VPS13B: variants seen among roughly 807,000 people sequenced by gnomAD.
VPS13B encodes intermembrane lipid transfer protein VPS13B.
VPS13B carries 285 observed loss-of-function variants against 426.4 expected under a neutral mutation model. The ratio of observed to expected loss-of-function variants is 0.67; its 90% CI spans 0.61 to 0.74. The LOEUF (loss-of-function observed/expected upper bound fraction) is 0.74, where lower values mean the gene tolerates loss of function less well. VPS13B is among the 30% of genes least tolerant of loss of function. VPS13B has a pLI of 0.00. For synonymous variants in VPS13B, 1,676 were observed against 1,676.4 expected (o/e 1.00, Z 0.01); for missense variants, 4,537 against 4,782.6 (o/e 0.95, Z 1.51).
chr8:99,637,697 GT>G (rs1248429113), intron 33 of VPS13B, among the ~76,000 whole-genome samples: 3 of 152,096 alleles, frequency 2.0e-5, no homozygotes, highest in Non-Finnish European at 4.4e-5. Flanking sequence ...TCTACAGGTG[GT>G]TTGTTGTTTT....
intron 19 of VPS13B, among the ~76,000 whole-genome samples, chr8:99,379,759 G>A (rs933225532): frequency 2.6e-5 from 4 of 151,944 alleles, no homozygotes; most frequent in Non-Finnish European, 5.9e-5. Context: ...TTTTCTTTTA[G>A]TGAATGCTTT....
chr8:99,148,678 G>C (rs1478638200), intron 14 of VPS13B, among the ~76,000 whole-genome samples: 1 of 152,064 alleles, frequency 6.6e-6, no homozygotes, highest in Middle Eastern at 3.2e-3. Context: ...GTTTTAGCCA[G>C]TAAAACTGTC....
chr8:99,219,314 A>G (rs903025883), intron 17 of VPS13B, among the ~76,000 whole-genome samples: 2 of 152,202 alleles, frequency 1.3e-5, no homozygotes, highest in African/African-American at 4.8e-5. Flanking sequence ...CACGATGTAT[A>G]CCATTGGGTT....
At chr8:99,271,841 C>T (rs1000226751) in intron 17 of VPS13B, among the ~76,000 whole-genome samples, 3 of 152,164 alleles carry the variant, frequency 2.0e-5, no homozygotes, top group Non-Finnish European at 4.4e-5. Context: ...TCCCATAATC[C>T]AGTTACTTCC....
At chr8:99,102,030 T>G (rs1846781048) in intron 4 of VPS13B, among the ~76,000 whole-genome samples, 1 of 152,194 alleles carries the variant, frequency 6.6e-6, no homozygotes, top group African/African-American at 2.4e-5. Context: ...AAAGTGTTAT[T>G]TATATTTTTA....
intron 30 of VPS13B, chr8:99,536,931 T>A: frequency 4.7e-6 from 2 of 422,762 alleles, no homozygotes; most frequent in Admixed American, 6.1e-5. Flanking sequence ...GCAGTGTTAT[T>A]GTTCAGTTCG....
Position 99,795,345 on chromosome 8 carries a change from C to T in VPS13B, c.7941+10869C>T, listed in dbSNP as rs549316091. Among the ~76,000 whole-genome samples, 4 of 152,316 alleles carry T rather than the reference C, an allele frequency of 2.6e-5. No homozygotes were observed. In the South Asian group the frequency reaches 8.3e-4, roughly 32 times the overall value. ...TTTTTCGCACTCTGTAGCTGGCAGT[C>T]TCCTGTAGGGCCATCACGTTTCTAT... On this transcript the variant is annotated intron_variant, in intron 43 of 61. Transcript: ENST00000357162.
Position 99,697,928 on chromosome 8 carries a change from A to G in VPS13B, c.6047-1597A>G, listed in dbSNP as rs531919738. On this transcript the variant is annotated intron_variant, in intron 35 of 61. Transcript: ENST00000357162. ...GGACAAAGATGTTCATGCCTCCACC[A>G]GCCAGGTGGCCAAGATTGTAGCGAC... 2.2e-4 allele frequency: 98 copies of G among 437,380 alleles called. 3 individuals are homozygous for G. The highest frequency in any genetic ancestry group is 5.8e-5 in the South Asian group (3 of 51,600). The allele number at this position is 437,380 out of a possible 1,614,324, so 27.1% of individuals were successfully genotyped here.
chr8:99,871,978 A>T (rs529431260), intron 61 of VPS13B, among the ~76,000 whole-genome samples: 4 of 152,228 alleles, frequency 2.6e-5, no homozygotes, highest in Non-Finnish European at 4.4e-5. Context: ...AGCCAATTGA[A>T]CAAGGCTGAT....
intron 35 of VPS13B, chr8:99,697,720 G>C (rs1832091903): frequency 3.2e-6 from 2 of 629,164 alleles, no homozygotes; most frequent in Admixed American, 4.3e-5. Context: ...GGGCCTGCAA[G>C]CTGGGCCTGG....
intron 17 of VPS13B, among the ~76,000 whole-genome samples, chr8:99,262,316 T>C (rs1381453433): frequency 2.0e-5 from 3 of 152,184 alleles, no homozygotes; most frequent in Non-Finnish European, 4.4e-5. Context: ...TACATCTGTT[T>C]TTTGCTGTTA....
At chr8:99,412,994 C>A (rs1319750971) in intron 21 of VPS13B, among the ~76,000 whole-genome samples, 1 of 152,178 alleles carries the variant, frequency 6.6e-6, no homozygotes, top group Non-Finnish European at 1.5e-5. Context: ...CATTGATGTT[C>A]ATCAGGGATA....
At chr8:99,044,342 G>T (rs550200612) in intron 3 of VPS13B, among the ~76,000 whole-genome samples, 8 of 151,456 alleles carry the variant, frequency 5.3e-5, no homozygotes. Context: ...CTCAGCCTCC[G>T]AAAGTGCTGA....
rs148889085 is a variant in VPS13B, at chr8:99,192,378, T to G, written c.2334-498T>G. Among the ~76,000 whole-genome samples, 1,507 of 152,248 alleles carry G rather than the reference T, an allele frequency of 9.9e-3. 28 individuals carry two copies. The highest frequency in any genetic ancestry group is 0.034 in the African/African-American group (1,425 of 41,542). On this transcript the variant is annotated intron_variant, in intron 16 of 61. Transcript: ENST00000357162. ...AGGTTGCCTGGATTTAAATTCTAAT[T>G]TTTCCTCTTTTTAGTAGTATGACAT...
At chr8:99,026,672 A>G (rs1451186635) in intron 2 of VPS13B, among the ~76,000 whole-genome samples, 2 of 152,096 alleles carry the variant, frequency 1.3e-5, no homozygotes, top group African/African-American at 2.4e-5. Flanking sequence ...TGCTTGCCAA[A>G]TTGACTTCAT....
chr8:99,612,143 G>C (rs1340188036), intron 33 of VPS13B, among the ~76,000 whole-genome samples: 1 of 152,046 alleles, frequency 6.6e-6, no homozygotes, highest in Non-Finnish European at 1.5e-5. Context: ...CTGTGTTTCT[G>C]CCATTAGACT....
chr8:99,546,609 C>T (rs1460519997), intron 30 of VPS13B, among the ~76,000 whole-genome samples: 2 of 151,964 alleles, frequency 1.3e-5, no homozygotes, highest in African/African-American at 4.8e-5. Context: ...AACCCCTTTG[C>T]AAACCATTAA....
intron 55 of VPS13B, among the ~76,000 whole-genome samples, chr8:99,852,281 T>A (rs1816334236): frequency 6.6e-6 from 1 of 152,188 alleles, no homozygotes; most frequent in Non-Finnish European, 1.5e-5. Context: ...GGTAGTTTGA[T>A]ACACAAGATT....
rs1046043396 is a variant in VPS13B, at chr8:99,175,917, G to A, written c.2333+5754G>A. Among the ~76,000 whole-genome samples the A allele has an allele frequency of 2.6e-5, 4 of 152,316 alleles. No individual in the cohort carries two copies. In the South Asian group the frequency reaches 8.3e-4, roughly 32 times the overall value. ...AAAGTTAATTGTAGTACTACATGGT[G>A]TACTACTATAATAATTTCGTAGCCA... On this transcript the variant is annotated intron_variant, in intron 16 of 61. Coordinates refer to ENST00000357162, the MANE Select transcript of VPS13B (RefSeq NM_152564.5).
Sources: allele counts gnomAD v4.1 joint callset (sites outside exome capture counted in the v4.1 genomes callset), GRCh38; gene constraint gnomAD v4.1.1; transcripts MANE v1.5; gene names NCBI Gene and HGNC (gene_info 2026-07-23, HGNC 2026-07-21).